Variants in CCDC175 observed in about 807,000 individuals in gnomAD.
CCDC175 encodes the protein coiled-coil domain containing 175.
CCDC175 carries 100 observed loss-of-function variants against 114.6 expected under a neutral mutation model. The observed-to-expected ratio is 0.87, with a 90% CI of 0.74 to 1.03. CCDC175 has a LOEUF of 1.03. Among genes scored for constraint, CCDC175 ranks in the 50% least tolerant of loss-of-function variants. The pLI, the probability that CCDC175 is intolerant of heterozygous loss-of-function variation, is 0.00. For synonymous variants in CCDC175, 306 were observed against 308.7 expected, an observed-to-expected ratio of 0.99 and a Z score of 0.09; for missense variants, 880 against 917.8, an observed-to-expected ratio of 0.96 and a Z score of 0.53.
At chr14:59,523,882 G>A (rs564046595) in intron 16 of CCDC175, among the ~76,000 whole-genome samples, 1 of 152,034 alleles carries the variant, frequency 6.6e-6, no homozygotes, top group African/African-American at 2.4e-5. Flanking sequence ...CCAGCTACTC[G>A]GGAGGCTGAG....
intron 11 of CCDC175, 104 bp from the exon 12 acceptor site, chr14:59,538,944 T>C (rs995179906): frequency 9.7e-7 from 1 of 1,035,282 alleles, no homozygotes; most frequent in Non-Finnish European, 1.4e-6. Context: ...CTACACAAAA[T>C]TGTTTGTGCT....
chr14:59,562,058 C>T (rs1303284256), intron 6 of CCDC175, among the ~76,000 whole-genome samples: 1 of 152,206 alleles, frequency 6.6e-6, no homozygotes, highest in Non-Finnish European at 1.5e-5. Context: ...TGGTTTCTTT[C>T]TCTAGAGCAC....
chr14:59,527,769 C>T (rs1265162829), intron 14 of CCDC175, among the ~76,000 whole-genome samples: 2 of 152,144 alleles, frequency 1.3e-5, no homozygotes, highest in Non-Finnish European at 2.9e-5. Context: ...TATAGTCAAA[C>T]ACATTAACAT....
At chr14:59,536,964 G>T (rs1894440287) in intron 13 of CCDC175, among the ~76,000 whole-genome samples, 1 of 152,016 alleles carries the variant, frequency 6.6e-6, no homozygotes, top group African/African-American at 2.4e-5. Context: ...TGTATTTTTA[G>T]TAGAGACGAG....
intron 8 of CCDC175, among the ~76,000 whole-genome samples, chr14:59,550,195 C>T (rs1895382098): frequency 6.6e-6 from 1 of 152,152 alleles, no homozygotes; most frequent in Non-Finnish European, 1.5e-5. Context: ...AGGCGTGAGC[C>T]ACCATGACTA....
chr14:59,548,170 C>T (rs1474049819), intron 8 of CCDC175, among the ~76,000 whole-genome samples: 1 of 151,994 alleles, frequency 6.6e-6, no homozygotes, highest in Non-Finnish European at 1.5e-5. Flanking sequence ...ACCTGGAGGA[C>T]ATCATGTTAA....
chr14:59,567,501 C>G (rs934409805), intron 4 of CCDC175, among the ~76,000 whole-genome samples: 4 of 152,162 alleles, frequency 2.6e-5, no homozygotes, highest in Non-Finnish European at 5.9e-5. Context: ...ACTCTGGAAA[C>G]TAACATGCTG....
At chr14:59,562,702 CAT>C (rs1896292364) in intron 6 of CCDC175, among the ~76,000 whole-genome samples, 1 of 152,100 alleles carries the variant, frequency 6.6e-6, no homozygotes, top group Non-Finnish European at 1.5e-5. Flanking sequence ...CTAAGGAAGA[CAT>C]ATTTCATTTT....
At chr14:59,519,126 C>G (rs972388484) in intron 17 of CCDC175, among the ~76,000 whole-genome samples, 1 of 152,066 alleles carries the variant, frequency 6.6e-6, no homozygotes, top group East Asian at 1.9e-4. Context: ...AATGAGAACA[C>G]TTGGACACAG....
chr14:59,513,464 AC>A (rs1892868238), intron 17 of CCDC175, among the ~76,000 whole-genome samples: 1 of 152,204 alleles, frequency 6.6e-6, no homozygotes, highest in Admixed American at 6.5e-5. Flanking sequence ...AGTCACTCCC[AC>A]CCCAATATGG....
At chr14:59,529,828 A>G (rs1051173116) in intron 14 of CCDC175, among the ~76,000 whole-genome samples, 1 of 152,156 alleles carries the variant, frequency 6.6e-6, no homozygotes, top group African/African-American at 2.4e-5. Flanking sequence ...CTTTCTGTGT[A>G]TGGAGCCCAT....
intron 19 of CCDC175, among the ~76,000 whole-genome samples, chr14:59,506,523 A>G (rs758945542): frequency 2.0e-5 from 3 of 152,042 alleles, no homozygotes; most frequent in Admixed American, 6.6e-5. Context: ...CCTGACCTCA[A>G]GTGATCTGCT....
chr14:59,575,534 GA>G (rs1897065007), intron 1 of CCDC175, among the ~76,000 whole-genome samples: 1 of 141,610 alleles, frequency 7.1e-6, no homozygotes, highest in African/African-American at 2.7e-5. Context: ...TTTTGAGACG[GA>G]GTCTCGCTCT....
intron 16 of CCDC175, among the ~76,000 whole-genome samples, chr14:59,523,875 G>T (rs1475386553): frequency 6.6e-6 from 1 of 152,104 alleles, no homozygotes; most frequent in Non-Finnish European, 1.5e-5. Flanking sequence ...TGTAGTCCCA[G>T]CTACTCGGGA....
chr14:59,546,865 G>T (rs772402500), intron 8 of CCDC175, among the ~76,000 whole-genome samples: 6 of 151,992 alleles, frequency 3.9e-5, no homozygotes, highest in Non-Finnish European at 8.8e-5. Flanking sequence ...AAATAAAAAA[G>T]AATGCACAAT....
chr14:59,527,123 C>G lies in CCDC175; in HGVS notation c.1814G>C (p.Arg605Thr), dbSNP rs200681540. The G allele has an allele frequency of 1.1e-3, 1,646 of 1,492,136 alleles. 13 individuals are homozygous for G. The Middle Eastern group carries it at 0.011, about 10-fold the overall frequency. The allele number at this position is 1,492,136 out of a possible 1,614,324, so 92.4% of individuals were successfully genotyped here. ...GTTGCTAATGTATCTTGAAAAGTCC[C>G]TTGTAAACAGAAAAATGTGATTGTT... The part of the protein sequence containing the change: ...LLNNHIFLFT[R>T]DFSRYISNME... The change falls in exon 15 of 20, where the codon AGG (arginine) becomes ACG (threonine). Residue 605 changes from arginine to threonine, a missense_variant. Arg to Thr is a moderately conservative substitution (Grantham distance 71). Coordinates refer to ENST00000537690, the MANE Select transcript of CCDC175 (RefSeq NM_001164399.2).
In CCDC175 at chr14:59,540,733, CTG is replaced by C. The variant is rs1053003851; in HGVS notation, c.1295_1296del (p.Thr432SerfsTer12). 7.0e-6 allele frequency: 10 copies of C among 1,422,162 alleles called. No individual in the cohort carries two copies. The highest frequency in any genetic ancestry group is 1.5e-5 in the African/African-American group (1 of 66,134). The allele number at this position is 1,422,162 out of a possible 1,614,324, so 88.1% of individuals were successfully genotyped here. On this transcript the variant is annotated frameshift_variant, in exon 11 of 20. Transcript: ENST00000537690. LOFTEE classifies it high-confidence loss of function. ...TLQELQQATK[T>X]VYQQQIKILS... ...AGGATTTTGATTTGTTGCTGATACA[CTG>C]TTTTTGTTGCTCTAAAAAGAAAAAC...
intron 3 of CCDC175, among the ~76,000 whole-genome samples, chr14:59,568,632 C>T (rs185195003): frequency 6.6e-6 from 1 of 152,090 alleles, no homozygotes; most frequent in Non-Finnish European, 1.5e-5. Flanking sequence ...GCCTGATTCC[C>T]GCCCGTTCCA....
At position 59,533,941 on chromosome 14, in the gene CCDC175, A is replaced by C. The variant is rs578179258; in HGVS notation, c.1624-2031T>G. Among the ~76,000 whole-genome samples the C allele has an allele frequency of 2.0e-5, 3 of 150,182 alleles. No homozygotes were observed. The East Asian group carries it at 6.0e-4, about 30-fold the overall frequency. On this transcript the variant is annotated intron_variant, in intron 13 of 19. Coordinates refer to ENST00000537690, the MANE Select transcript of CCDC175 (RefSeq NM_001164399.2). ...GAGGCGGAGGTTGCAGTGAGCCTAG[A>C]TCGCGCCACTGCACTCCAGCCTGGG...
Sources: gnomAD v4.1 joint callset for allele counts (sites outside exome capture counted in the v4.1 genomes callset) on GRCh38, gnomAD v4.1.1 for gene constraint, MANE v1.5 for transcripts, NCBI Gene and HGNC (gene_info 2026-07-23, HGNC 2026-07-21) for gene names.